DNAH14: variants seen among roughly 807,000 people sequenced by gnomAD.
The protein encoded by DNAH14 is dynein axonemal heavy chain 14, also known as axonemal beta dynein heavy chain 14.
In DNAH14, 478 loss-of-function variants were observed where a neutral mutation model predicts 520.9. The ratio of observed to expected loss-of-function variants is 0.92; its 90% CI spans 0.85 to 0.99. The LOEUF (loss-of-function observed/expected upper bound fraction) is 0.99, where lower values mean the gene tolerates loss of function less well. Ranked by LOEUF, DNAH14 falls within the 50% of genes least tolerant of loss-of-function variation. DNAH14 has a pLI of 0.00. For missense variants in DNAH14, 4,831 were observed against 5,234.5 expected (o/e 0.92, Z 2.38); for synonymous variants, 1,581 against 1,757.2 (o/e 0.90, Z 2.51).
intron 27 of DNAH14, 62 bp from the exon 28 acceptor site, chr1:225,140,706 T>G (rs370566665): frequency 1.1e-5 from 14 of 1,222,336 alleles, no homozygotes; most frequent in East Asian, 1.0e-4. Context: ...TGAATAAAAT[T>G]TATGCTTCAA....
chr1:224,968,215 G>A (rs779707598), intron 6 of DNAH14, among the ~76,000 whole-genome samples: 15 of 152,084 alleles, frequency 9.9e-5, no homozygotes, highest in Admixed American at 4.6e-4. Context: ...GAATATACAC[G>A]TAGATACATA....
intron 4 of DNAH14, among the ~76,000 whole-genome samples, chr1:224,961,630 C>T (rs1472137858): frequency 6.6e-6 from 1 of 152,070 alleles, no homozygotes; most frequent in Admixed American, 6.6e-5. Context: ...ATGAGAACAA[C>T]ATGGGGGAAA....
In DNAH14 at chr1:225,301,194, C is replaced by A. The variant is rs55794003; in HGVS notation, c.8631+164C>A. 0.13 allele frequency among the ~76,000 whole-genome samples: 20,222 copies of A among 152,004 alleles called. 1,540 individuals carry two copies. Among genetic ancestry groups the A allele is most frequent in the East Asian group, 0.33 (1,691 of 5,164 alleles). ...TACCTACAGACAACACCATACCCTT[C>A]GGTAGGTCAAAAACTAACATGAATC... On this transcript the variant is annotated intron_variant, in intron 56 of 85. Coordinates refer to ENST00000682510, the MANE Select transcript of DNAH14 (RefSeq NM_001367479.1).
chr1:225,283,784 A>G (rs1044250346), intron 54 of DNAH14, among the ~76,000 whole-genome samples: 1 of 152,200 alleles, frequency 6.6e-6, no homozygotes, highest in African/African-American at 2.4e-5. Flanking sequence ...ATGCCAAGCC[A>G]TAAAACAAGC....
intron 73 of DNAH14, among the ~76,000 whole-genome samples, chr1:225,354,803 C>G (rs1352812065): frequency 6.6e-6 from 1 of 152,134 alleles, no homozygotes; most frequent in African/African-American, 2.4e-5. Flanking sequence ...TCCTTAAATT[C>G]TTCATTTCCT....
At chr1:225,266,059 C>T (rs189496138) in intron 48 of DNAH14, among the ~76,000 whole-genome samples, 3 of 152,144 alleles carry the variant, frequency 2.0e-5, no homozygotes, top group Non-Finnish European at 4.4e-5. Flanking sequence ...ACAGAGATTA[C>T]AATCAGTACA....
intron 11 of DNAH14, among the ~76,000 whole-genome samples, chr1:225,030,354 G>A (rs180990543): frequency 5.8e-4 from 88 of 151,926 alleles, no homozygotes; most frequent in Admixed American, 3.5e-3. Flanking sequence ...TTTCTTAAGT[G>A]GCTTTTGATA....
At chr1:225,151,868 C>T in intron 31 of DNAH14, 137 bp from the exon 32 acceptor site, 1 of 787,010 alleles carries the variant, frequency 1.3e-6, no homozygotes, top group East Asian at 2.7e-5. Flanking sequence ...TTTCTCTCAC[C>T]ATTGTTTTTT....
intron 17 of DNAH14, 71 bp downstream of exon 17, chr1:225,051,866 C>T (rs1050799526): frequency 5.5e-6 from 6 of 1,083,740 alleles, no homozygotes; most frequent in African/African-American, 1.6e-5. Context: ...AAAATATGTA[C>T]TTAGAGAATA....
intron 31 of DNAH14, 87 bp from the exon 32 acceptor site, chr1:225,151,918 A>T (rs1358541584): frequency 9.1e-7 from 1 of 1,097,338 alleles, no homozygotes; most frequent in South Asian, 1.3e-5. Flanking sequence ...ACACAGCCTT[A>T]ATAAAGCTTC....
intron 35 of DNAH14, among the ~76,000 whole-genome samples, chr1:225,165,716 T>G (rs1178854099): frequency 6.6e-6 from 1 of 151,916 alleles, no homozygotes; most frequent in Admixed American, 6.6e-5. Context: ...CCCAAGTAGC[T>G]AGGACTACAG....
At chr1:225,392,565 T>C in intron 84 of DNAH14, 114 bp downstream of exon 84, 2 of 1,272,934 alleles carry the variant, frequency 1.6e-6, no homozygotes, top group Non-Finnish European at 1.1e-6. Flanking sequence ...TGCCAGGCAC[T>C]AGACAGGCAG....
intron 43 of DNAH14, among the ~76,000 whole-genome samples, chr1:225,244,046 T>C (rs931701866): frequency 6.6e-6 from 1 of 152,182 alleles, no homozygotes; most frequent in Non-Finnish European, 1.5e-5. Flanking sequence ...TTGAGTGTTT[T>C]TTAACATGAA....
intron 7 of DNAH14, chr1:224,969,126 T>C: frequency 3.3e-6 from 1 of 306,964 alleles, no homozygotes; most frequent in Non-Finnish European, 6.0e-6. Flanking sequence ...TATGAGGAAA[T>C]GCCATAAGTT....
At chr1:224,957,210 A>G (rs2060572178) in intron 3 of DNAH14, among the ~76,000 whole-genome samples, 1 of 152,090 alleles carries the variant, frequency 6.6e-6, no homozygotes, top group Non-Finnish European at 1.5e-5. Context: ...GGTGTCAAAG[A>G]TGATACCTAC....
chr1:225,211,200 A>C (rs1012504227), intron 41 of DNAH14, among the ~76,000 whole-genome samples: 3 of 152,126 alleles, frequency 2.0e-5, no homozygotes, highest in African/African-American at 7.2e-5. Flanking sequence ...GTAATAACAA[A>C]CTCCTCTGAG....
At chr1:225,287,798 G>A (rs1407930291) in intron 54 of DNAH14, among the ~76,000 whole-genome samples, 2 of 152,074 alleles carry the variant, frequency 1.3e-5, no homozygotes, top group African/African-American at 4.8e-5. Flanking sequence ...ATCCTGTAGT[G>A]CTACAAGTGA....
rs1175550711 is a variant in DNAH14, at chr1:225,335,932, TATATATA to T, written c.10081-1333_10081-1327del. 6.7e-5 allele frequency among the ~76,000 whole-genome samples: 8 copies of T among 119,150 alleles called. No individual in the cohort carries two copies. In the South Asian group the frequency reaches 2.2e-3, roughly 33 times the overall value. The allele number at this position is 119,150 out of a possible 152,430, so 78.2% of individuals were successfully genotyped here. Reference sequence around the variant, plus strand: ...ATGTATGTATATATGCACATATACCTATATATACATATATGTATATATACACATATAC... The same window carrying T: ...ATGTATGTATATATGCACATATACCTCATATATGTATATATACACATATAC... On this transcript the variant is annotated intron_variant, in intron 66 of 85. Coordinates refer to ENST00000682510, the MANE Select transcript of DNAH14 (RefSeq NM_001367479.1).
chr1:225,377,207 A>G (rs1157920533), intron 78 of DNAH14, 30 bp from the exon 79 acceptor site: 1 of 1,401,026 alleles, frequency 7.1e-7, no homozygotes, highest in African/African-American at 1.5e-5. Context: ...AGGATTGAAG[A>G]AAAAAGCTAA....
Sources: allele counts gnomAD v4.1 joint callset (sites outside exome capture counted in the v4.1 genomes callset), GRCh38; gene constraint gnomAD v4.1.1; transcripts MANE v1.5; gene names NCBI Gene and HGNC (gene_info 2026-07-23, HGNC 2026-07-21).